The following ITPR1 variants were observed in gnomAD, a reference collection of about 807,000 sequenced individuals.
ITPR1 encodes the protein inositol 1,4,5-trisphosphate-gated calcium channel ITPR1.
In ITPR1, 96 loss-of-function variants were observed where a neutral mutation model predicts 318.4. The ratio of observed to expected loss-of-function variants is 0.30; its 90% CI spans 0.26 to 0.36. ITPR1 has a LOEUF of 0.36. ITPR1 is among the 10% of genes least tolerant of loss of function. The pLI, the probability that ITPR1 is intolerant of heterozygous loss-of-function variation, is 1.00. For missense variants in ITPR1, 2,440 were observed against 3,460.2 expected, an observed-to-expected ratio of 0.71 and a Z score of 7.40; for synonymous variants, 1,312 against 1,289.9, an observed-to-expected ratio of 1.02 and a Z score of -0.37.
At chr3:4,604,955 C>A (rs560360381) in intron 4 of ITPR1, among the ~76,000 whole-genome samples, 1 of 152,018 alleles carries the variant, frequency 6.6e-6, no homozygotes, top group South Asian at 2.1e-4. Context: ...AGACAAGCCC[C>A]AAATGAGTAG....
intron 4 of ITPR1, among the ~76,000 whole-genome samples, chr3:4,528,990 G>A (rs1389968823): frequency 1.3e-5 from 2 of 152,118 alleles, no homozygotes; most frequent in African/African-American, 2.4e-5. Flanking sequence ...ACAATCGCTG[G>A]GGATGGTGCC....
chr3:4,656,296 A>G (rs2093706931), intron 12 of ITPR1, among the ~76,000 whole-genome samples: 1 of 152,242 alleles, frequency 6.6e-6, no homozygotes, highest in African/African-American at 2.4e-5. Flanking sequence ...CTTAACTGCC[A>G]GCCTGTAGCT....
Position 4,788,006 on chromosome 3 carries a change from A to G in ITPR1, c.6675A>G (p.Glu2225=), listed in dbSNP as rs756030611. The G allele has an allele frequency of 2.4e-5, 39 of 1,613,034 alleles. No homozygotes were observed. Among genetic ancestry groups the G allele is most frequent in the Non-Finnish European group, 3.1e-5 (37 of 1,179,428 alleles). ...QIVFPVPSIC[E]FLTKESKLRI... The stretch of plus-strand genomic sequence containing the variant: ...TCTTTCCCGTGCCCAGCATATGTGA[A>G]TTCCTAACCAAGGAGTCAAAACTAC... The change falls in exon 52 of 62, where the codon GAA becomes GAG. Residue 2225 remains glutamate (E), a synonymous_variant. Coordinates refer to ENST00000649015, the MANE Select transcript of ITPR1 (RefSeq NM_001378452.1).
intron 2 of ITPR1, among the ~76,000 whole-genome samples, 200 bp downstream of exon 2, chr3:4,494,706 G>C (rs952530198): frequency 6.6e-6 from 1 of 152,228 alleles, no homozygotes; most frequent in African/African-American, 2.4e-5. Context: ...CTTGGAAGTA[G>C]CTGAGAATTG....
At chr3:4,717,995 T>C (rs2041895259) in intron 40 of ITPR1, among the ~76,000 whole-genome samples, 1 of 152,228 alleles carries the variant, frequency 6.6e-6, no homozygotes, top group Non-Finnish European at 1.5e-5. Flanking sequence ...GAAAACTATG[T>C]ATAGATCCAG....
At chr3:4,754,054 G>T (rs989644825) in intron 44 of ITPR1, among the ~76,000 whole-genome samples, 12 of 129,546 alleles carry the variant, frequency 9.3e-5, no homozygotes, top group South Asian at 5.1e-4. Context: ...AAAATGGGGG[G>T]GGGGTGGCAA....
In ITPR1 at chr3:4,768,831, A is replaced by G. The variant is rs1419008633; in HGVS notation, c.5979+67A>G. 5.4e-6 allele frequency: 8 copies of G among 1,491,544 alleles called. No homozygotes were observed. In the East Asian group the frequency reaches 1.4e-4, roughly 26 times the overall value. The allele number at this position is 1,491,544 out of a possible 1,614,324, so 92.4% of individuals were successfully genotyped here. A position where few individuals can be genotyped will look rare whatever the true frequency, so the allele number is the denominator to read the frequency against. ...GGCTGCCAAGGCCTGCCTTCCTCTG[A>G]TGGTTCAGCACCTCTCACTTGGGCC... is the stretch of plus-strand genomic sequence containing the variant. On this transcript the variant is annotated intron_variant, in intron 46 of 61. Coordinates refer to ENST00000649015, the MANE Select transcript of ITPR1 (RefSeq NM_001378452.1).
At chr3:4,684,004 TG>T (rs2094346681) in intron 28 of ITPR1, among the ~76,000 whole-genome samples, 1 of 152,208 alleles carries the variant, frequency 6.6e-6, no homozygotes, top group African/African-American at 2.4e-5. Context: ...CCTTGGACCA[TG>T]TAGAAGAGAC....
At chr3:4,606,502 G>A (rs1273283818) in intron 4 of ITPR1, among the ~76,000 whole-genome samples, 1 of 152,136 alleles carries the variant, frequency 6.6e-6, no homozygotes, top group Non-Finnish European at 1.5e-5. Flanking sequence ...CACAGAAATA[G>A]TCTGTGGTCC....
intron 44 of ITPR1, among the ~76,000 whole-genome samples, chr3:4,761,924 C>A (rs146395833): frequency 4.6e-5 from 7 of 152,286 alleles, no homozygotes; most frequent in Non-Finnish European, 8.8e-5. Flanking sequence ...TCTTGTCTCT[C>A]TAAGTCTAGG....
intron 30 of ITPR1, among the ~76,000 whole-genome samples, chr3:4,687,215 C>T (rs1372600482): frequency 6.6e-6 from 1 of 152,240 alleles, no homozygotes; most frequent in Non-Finnish European, 1.5e-5. Flanking sequence ...GATACTCCCT[C>T]TCTACCCACA....
intron 10 of ITPR1, among the ~76,000 whole-genome samples, chr3:4,647,057 T>G (rs1236328338): frequency 6.6e-6 from 1 of 152,148 alleles, no homozygotes; most frequent in East Asian, 1.9e-4. Context: ...GAAGGTCCCT[T>G]GAGCCTCTCT....
At chr3:4,646,489 A>G (rs900014812) in intron 10 of ITPR1, among the ~76,000 whole-genome samples, 2 of 152,242 alleles carry the variant, frequency 1.3e-5, no homozygotes, top group African/African-American at 4.8e-5. Context: ...GGCACGGGAT[A>G]GGCATGGGAA....
intron 39 of ITPR1, among the ~76,000 whole-genome samples, chr3:4,715,282 C>T (rs1671101196): frequency 6.6e-6 from 1 of 152,168 alleles, no homozygotes; most frequent in African/African-American, 2.4e-5. Context: ...TGTAAGTTTC[C>T]TTTATGTTAC....
Position 4,691,278 on chromosome 3 carries a change from C to T in ITPR1, c.3963C>T (p.Phe1321=). The T allele has an allele frequency of 1.2e-6, 2 of 1,613,360 alleles. No homozygotes were observed. Among genetic ancestry groups the T allele is most frequent in the African/African-American group, 1.3e-5 (1 of 75,024 alleles). Residue 1321 remains phenylalanine (F), a synonymous_variant, in exon 32 of 62, where the codon TTC becomes TTT. Transcript: ENST00000649015. ...GTCGGAATGTCCAGTATATAAAGTT[C>T]TTACAGACAATTGTCAAGGCAGAAG... ...THGRNVQYIK[F]LQTIVKAEGK...
intron 52 of ITPR1, among the ~76,000 whole-genome samples, chr3:4,794,067 T>C (rs947926383): frequency 3.9e-5 from 6 of 152,174 alleles, no homozygotes; most frequent in Non-Finnish European, 5.9e-5. Flanking sequence ...TCTCACGTAC[T>C]CCATGCTTTT....
chr3:4,794,540 T>C (rs1274340710), intron 52 of ITPR1, among the ~76,000 whole-genome samples: 3 of 152,172 alleles, frequency 2.0e-5, no homozygotes, highest in Non-Finnish European at 4.4e-5. Context: ...GGCGTGTTAG[T>C]GGAGCATGTT....
rs771998939 is a variant in ITPR1 at position 4,670,931 on chromosome 3, G to A, written c.2204+5G>A. ...AGACGTTCTCAGCTACTACAGGTGC[G>A]TGGGACACGTGTGGGGCTCAGATTG... On this transcript the variant is annotated splice_donor_5th_base_variant and intron_variant, in intron 20 of 61. Coordinates refer to ENST00000649015, the MANE Select transcript of ITPR1 (RefSeq NM_001378452.1). 30 of 1,545,344 alleles carry A rather than the reference G, an allele frequency of 1.9e-5. No individual in the cohort carries two copies. Among genetic ancestry groups the A allele is most frequent in the East Asian group, 9.1e-5 (4 of 43,888 alleles).
chr3:4,645,160 C>G (rs1363037648), intron 8 of ITPR1, among the ~76,000 whole-genome samples: 1 of 152,172 alleles, frequency 6.6e-6, no homozygotes, highest in African/African-American at 2.4e-5. Context: ...TTCCATTAGT[C>G]ATGGTTGGAA....
Sources: allele counts gnomAD v4.1 joint callset (sites outside exome capture counted in the v4.1 genomes callset), GRCh38; gene constraint gnomAD v4.1.1; transcripts MANE v1.5; gene names NCBI Gene and HGNC (gene_info 2026-07-23, HGNC 2026-07-21).